Variants in KIF11 observed in about 807,000 individuals in gnomAD.
The protein encoded by KIF11 is kinesin family member 11.
In KIF11, 9 loss-of-function variants were observed where a neutral mutation model predicts 121.0. That is an observed-to-expected ratio of 0.07 (90% CI 0.04 to 0.13). The LOEUF (loss-of-function observed/expected upper bound fraction) is 0.13, where lower values mean the gene tolerates loss of function less well. KIF11 is among the 10% of genes least tolerant of loss of function. The pLI is 1.00. For missense variants in KIF11, 846 were observed against 1,217.5 expected, an observed-to-expected ratio of 0.69 and a Z score of 4.54; for synonymous variants, 408 against 421.0, an observed-to-expected ratio of 0.97 and a Z score of 0.38.
At chr10:92,615,942 T>C (rs1268462117) in intron 8 of KIF11, among the ~76,000 whole-genome samples, 1 of 150,800 alleles carries the variant, frequency 6.6e-6, no homozygotes, top group African/African-American at 2.4e-5. Flanking sequence ...CGGGTTCAAG[T>C]GATTCTCCTG....
At chr10:92,651,502 A>ATTTTTTTTTT (rs1343216900) in intron 21 of KIF11, among the ~76,000 whole-genome samples, 3 of 21,560 alleles carry the variant, frequency 1.4e-4, no homozygotes, top group Admixed American at 6.4e-4. Flanking sequence ...TGCCTGGCTA[A>ATTTTTTTTTT]TTTTGTTTTT....
chr10:92,616,330 T>C (rs1844557408), intron 8 of KIF11, among the ~76,000 whole-genome samples: 1 of 151,758 alleles, frequency 6.6e-6, no homozygotes, highest in Non-Finnish European at 1.5e-5. Flanking sequence ...CCCAAGTAGG[T>C]GGGACTATAG....
intron 1 of KIF11, among the ~76,000 whole-genome samples, chr10:92,599,834 G>A (rs1005997906): frequency 2.0e-5 from 3 of 149,874 alleles, no homozygotes; most frequent in Non-Finnish European, 3.0e-5. Context: ...TGTATTTTTA[G>A]TAGAGACGGG....
intron 1 of KIF11, among the ~76,000 whole-genome samples, chr10:92,595,339 C>T (rs1190391531): frequency 2.0e-5 from 3 of 152,068 alleles, no homozygotes; most frequent in Admixed American, 6.6e-5. Flanking sequence ...GGATTATAGG[C>T]GTGAGCTACT....
chr10:92,648,731 T>A (rs945313998), intron 19 of KIF11, among the ~76,000 whole-genome samples: 4 of 152,242 alleles, frequency 2.6e-5, no homozygotes, highest in Non-Finnish European at 4.4e-5. Context: ...GACATTTTAA[T>A]ACCACAAATA....
At position 92,645,538 on chromosome 10, in the gene KIF11, A is replaced by G; in HGVS notation, c.2443A>G (p.Thr815Ala). The change falls in exon 18 of 22, where the codon ACT becomes GCT. Residue 815 changes from threonine (T) to alanine (A), a missense_variant. By Grantham distance (58) the Thr-to-Ala change is moderately conservative (BLOSUM62 0). Around this residue, in one of 5 missense-constraint regions of KIF11, gnomAD observed 492 missense variants for 603.4 expected, o/e 0.82. Coordinates refer to ENST00000260731, the MANE Select transcript of KIF11 (RefSeq NM_004523.4). ...NGNLEKISQETEQRCESLNTR... is the reference protein window; with the variant it reads ...NGNLEKISQEAEQRCESLNTR... The stretch of plus-strand genomic sequence containing the variant: ...CAACCTGGAAAAAATATCTCAAGAG[A>G]CTGAACAGAGATGTGAATCTCTGAA... 1 of 1,613,696 alleles carries G rather than the reference A, an allele frequency of 6.2e-7. No individual in the cohort carries two copies. The highest frequency in any genetic ancestry group is 8.5e-7 in the Non-Finnish European group (1 of 1,179,596).
chr10:92,634,831 G>A (rs973150393), intron 14 of KIF11, among the ~76,000 whole-genome samples: 2 of 152,328 alleles, frequency 1.3e-5, no homozygotes, highest in East Asian at 1.9e-4. Context: ...ACCAGAAGGG[G>A]ATATTGGGTA....
intron 21 of KIF11, 89 bp from the exon 22 acceptor site, chr10:92,653,575 AT>A: frequency 1.6e-6 from 2 of 1,283,926 alleles, no homozygotes; most frequent in South Asian, 3.4e-5. Flanking sequence ...TTTTTTGCCT[AT>A]AACCCAGAGA....
intron 21 of KIF11, among the ~76,000 whole-genome samples, chr10:92,653,366 C>T (rs563421343): frequency 5.4e-4 from 83 of 152,330 alleles, no homozygotes; most frequent in Non-Finnish European, 1.0e-3. Flanking sequence ...TCCCCTGTGG[C>T]AGCAGAATCA....
intron 1 of KIF11, among the ~76,000 whole-genome samples, chr10:92,605,810 A>G (rs1844424903): frequency 6.6e-6 from 1 of 151,908 alleles, no homozygotes; most frequent in East Asian, 1.9e-4. Flanking sequence ...AGAATAGGAG[A>G]AATGGAATTC....
intron 21 of KIF11, among the ~76,000 whole-genome samples, chr10:92,650,814 C>G (rs1844972080): frequency 6.6e-6 from 1 of 152,024 alleles, no homozygotes; most frequent in African/African-American, 2.4e-5. Flanking sequence ...GCAGTCATTT[C>G]TCTTCCTTCT....
At chr10:92,631,422 C>T (rs1440446555) in intron 12 of KIF11, among the ~76,000 whole-genome samples, 4 of 143,868 alleles carry the variant, frequency 2.8e-5, no homozygotes, top group African/African-American at 8.0e-5. Context: ...ACTGCAGTGG[C>T]GCAATCTCGG....
intron 10 of KIF11, among the ~76,000 whole-genome samples, chr10:92,626,896 A>C (rs1016502499): frequency 6.6e-6 from 1 of 151,434 alleles, no homozygotes; most frequent in African/African-American, 2.4e-5. Context: ...AGTAGCTGGG[A>C]CTACAGGTGC....
chr10:92,648,226 T>C lies in KIF11; in HGVS notation c.2562T>C (p.Cys854=), dbSNP rs963806889. Residue 854 remains cysteine, a synonymous_variant, in exon 19 of 22, where the codon TGT becomes TGC. Coordinates refer to ENST00000260731, the MANE Select transcript of KIF11 (RefSeq NM_004523.4). ...ATCATTTACAGGTTGTAAGCCAATG[T>C]TGTGAGGCTTCAAGTTCAGACATCA... The part of the protein sequence containing the change: ...LHNLLEVVSQ[C]CEASSSDITE... 1 of 1,606,746 alleles carries C rather than the reference T, an allele frequency of 6.2e-7. No individual in the cohort carries two copies. The highest frequency in any genetic ancestry group is 1.3e-5 in the African/African-American group (1 of 74,560).
intron 19 of KIF11, 64 bp downstream of exon 19, chr10:92,648,498 C>A: frequency 9.9e-7 from 1 of 1,009,950 alleles, no homozygotes; most frequent in South Asian, 1.7e-5. Flanking sequence ...TATGTAGTGT[C>A]AGATGTTCAG....
At chr10:92,627,900 G>A (rs572441753) in intron 10 of KIF11, among the ~76,000 whole-genome samples, 13 of 152,262 alleles carry the variant, frequency 8.5e-5, no homozygotes, top group African/African-American at 3.1e-4. Flanking sequence ...GGTATAGGGG[G>A]CTGAGGATTC....
At chr10:92,637,346 T>C (rs1844816371) in intron 15 of KIF11, 37 bp downstream of exon 15, 1 of 1,580,130 alleles carries the variant, frequency 6.3e-7, no homozygotes, top group East Asian at 2.3e-5. Flanking sequence ...TCAAAATTGA[T>C]GTGTTGTTTA....
intron 3 of KIF11, 51 bp downstream of exon 3, chr10:92,606,767 G>GT (rs1189907507): frequency 4.3e-6 from 4 of 935,646 alleles, no homozygotes; most frequent in Non-Finnish European, 7.0e-6. Context: ...AAATGCTTGT[G>GT]TTTTTTGTTG....
chr10:92,629,490 T>A (rs1419609860), intron 11 of KIF11, among the ~76,000 whole-genome samples: 1 of 152,304 alleles, frequency 6.6e-6, no homozygotes, highest in South Asian at 2.1e-4. Context: ...TTTGTTAACA[T>A]GTTTATCAGA....
Sources: gnomAD v4.1 joint callset for allele counts (sites outside exome capture counted in the v4.1 genomes callset) on GRCh38, gnomAD v4.1.1 for gene constraint, gnomAD v4.1.1 regional missense constraint, MANE v1.5 for transcripts, NCBI Gene and HGNC (gene_info 2026-07-23, HGNC 2026-07-21) for gene names.